Variants in RTL4 observed in about 807,000 individuals in gnomAD.
The protein encoded by RTL4 is retrotransposon Gag like 4.
In RTL4, 4 loss-of-function variants were observed where a neutral mutation model predicts 5.3. That is an observed-to-expected ratio of 0.75 (90% CI 0.37 to 1.72). The LOEUF (loss-of-function observed/expected upper bound fraction) is 1.72. Ranked by LOEUF, RTL4 falls within the 40% of genes most tolerant of loss-of-function variation. RTL4 has a pLI of 0.04. For synonymous variants in RTL4, 98 were observed against 87.3 expected (o/e 1.12, Z -0.68); for missense variants, 260 against 227.1 (o/e 1.14, Z -0.93).
At chrX:112,111,127 C>G in the RTL4 span, among the ~76,000 whole-genome samples, 2 of 111,293 alleles carry the variant, frequency 1.8e-5, no homozygotes, top group Non-Finnish European at 3.8e-5. Context: ...TACTACTTTT[C>G]TCTTTCTCTT....
chrX:112,112,056 C>A, the RTL4 span, among the ~76,000 whole-genome samples: 7 of 111,827 alleles, frequency 6.3e-5, no homozygotes, highest in African/African-American at 2.3e-4. Flanking sequence ...CAATGAGATC[C>A]TTTCCTTGTA....
chrX:112,360,949 GA>G, the RTL4 span, among the ~76,000 whole-genome samples: 5 of 110,595 alleles, frequency 4.5e-5, no homozygotes, highest in Non-Finnish European at 9.5e-5. Context: ...TTACAGAAGA[GA>G]AACAGAACAA....
At chrX:112,225,994 G>A in the RTL4 span, among the ~76,000 whole-genome samples, 1 of 111,748 alleles carries the variant, frequency 8.9e-6, no homozygotes, top group Admixed American at 9.5e-5. Context: ...AGCTATATAT[G>A]TGAAGTCACT....
chrX:112,430,456 C>T, the RTL4 span, among the ~76,000 whole-genome samples: 2 of 111,618 alleles, frequency 1.8e-5, no homozygotes, highest in East Asian at 5.6e-4. Context: ...TTGAACGTTA[C>T]CTGCTTTTCC....
chrX:112,399,462 A>G, the RTL4 span, among the ~76,000 whole-genome samples: 2 of 111,085 alleles, frequency 1.8e-5, no homozygotes, highest in Non-Finnish European at 3.8e-5. Flanking sequence ...AATGCTGTAA[A>G]TTTCCCTCTA....
At chrX:112,364,939 G>A in the RTL4 span, among the ~76,000 whole-genome samples, 30 of 111,590 alleles carry the variant, frequency 2.7e-4, no homozygotes, top group Non-Finnish European at 3.8e-5. Flanking sequence ...CACTGTGCCA[G>A]GTACAGGTAT....
the RTL4 span, among the ~76,000 whole-genome samples, chrX:112,255,931 A>G: frequency 8.9e-6 from 1 of 111,842 alleles, no homozygotes; most frequent in Non-Finnish European, 1.9e-5. Context: ...AAGTGGAACA[A>G]TGATATCTCT....
the RTL4 span, among the ~76,000 whole-genome samples, chrX:112,135,883 A>G: frequency 1.9e-3 from 196 of 104,959 alleles, no homozygotes; most frequent in African/African-American, 6.8e-3. Flanking sequence ...ATACACATAC[A>G]TATAATACAT....
the RTL4 span, among the ~76,000 whole-genome samples, chrX:112,383,074 C>T: frequency 9.0e-6 from 1 of 111,680 alleles, no homozygotes; most frequent in African/African-American, 3.2e-5. Flanking sequence ...GTTTGTTATC[C>T]TAAATGCTTT....
the RTL4 span, among the ~76,000 whole-genome samples, chrX:112,126,818 C>T: frequency 9.0e-6 from 1 of 111,603 alleles, no homozygotes; most frequent in Non-Finnish European, 1.9e-5. Flanking sequence ...ATGAAATGGA[C>T]AAATTCCTAG....
the RTL4 span, among the ~76,000 whole-genome samples, chrX:112,186,293 A>C: frequency 8.9e-6 from 1 of 112,289 alleles, no homozygotes; most frequent in South Asian, 3.7e-4. Context: ...ACATAGCTCC[A>C]GATTCTAACC....
At chrX:112,160,409 C>G in the RTL4 span, among the ~76,000 whole-genome samples, 1 of 112,048 alleles carries the variant, frequency 8.9e-6, no homozygotes, top group African/African-American at 3.2e-5. Flanking sequence ...CTTATTTATT[C>G]ATTCCACAAG....
chrX:112,444,750 T>C, the RTL4 span, among the ~76,000 whole-genome samples: 1 of 111,981 alleles, frequency 8.9e-6, no homozygotes, highest in Admixed American at 9.5e-5. Context: ...GTTGTATGTG[T>C]CTACAAATTT....
chrX:112,119,241 G>A, the RTL4 span, among the ~76,000 whole-genome samples: 1 of 110,401 alleles, frequency 9.1e-6, no homozygotes, highest in Non-Finnish European at 1.9e-5. Context: ...AAGACAGAGA[G>A]GTAAAGTCTT....
At chrX:112,088,038 A>T in the RTL4 span, among the ~76,000 whole-genome samples, 1 of 107,158 alleles carries the variant, frequency 9.3e-6, no homozygotes, top group Non-Finnish European at 1.9e-5. Flanking sequence ...TTTGTGGAGA[A>T]CAGGGCCTCG....
At chrX:112,327,565 A>G in the RTL4 span, among the ~76,000 whole-genome samples, 1 of 109,748 alleles carries the variant, frequency 9.1e-6, no homozygotes, top group Non-Finnish European at 1.9e-5. Flanking sequence ...GAATGGAACC[A>G]AGTTGGAAAA....
the RTL4 span, among the ~76,000 whole-genome samples, chrX:112,442,244 C>CT: frequency 0.062 from 6,051 of 98,364 alleles, 365 homozygotes; most frequent in African/African-American, 0.16. Context: ...ATTTACATTT[C>CT]TTTTTTTTTT....
the RTL4 span, among the ~76,000 whole-genome samples, chrX:112,405,785 C>T: frequency 9.0e-6 from 1 of 110,898 alleles, no homozygotes; most frequent in African/African-American, 3.3e-5. Flanking sequence ...ACCACTAACG[C>T]TCCTTGGTTT....
chrX:112,303,652 A>G, the RTL4 span, among the ~76,000 whole-genome samples: 1 of 93,412 alleles, frequency 1.1e-5, no homozygotes, highest in Non-Finnish European at 2.1e-5. Flanking sequence ...GATATACCTA[A>G]TGCTAAATGA....
Sources: gnomAD v4.1 joint callset for allele counts (sites outside exome capture counted in the v4.1 genomes callset) on GRCh38, gnomAD v4.1.1 for gene constraint, MANE v1.5 for transcripts, NCBI Gene and HGNC (gene_info 2026-07-23, HGNC 2026-07-21) for gene names.